Variants in ZNF718 observed in about 807,000 individuals in gnomAD.
The protein encoded by ZNF718 is zinc finger protein 718.
In ZNF718, 3 loss-of-function variants were observed where a neutral mutation model predicts 2.6. The ratio of observed to expected loss-of-function variants is 1.16; its 90% CI spans 0.53 to 3.01. The LOEUF (loss-of-function observed/expected upper bound fraction) is 3.01, where lower values mean the gene tolerates loss of function less well. Among genes scored for constraint, ZNF718 ranks in the 30% most tolerant of loss-of-function variants. The pLI is 0.03. For missense variants in ZNF718, 468 were observed against 230.0 expected, an observed-to-expected ratio of 2.03 and a Z score of -6.69; for synonymous variants, 135 against 77.9, an observed-to-expected ratio of 1.73 and a Z score of -3.86.
intron 3 of ZNF718, among the ~76,000 whole-genome samples, chr4:189,859 A>G (rs1373870843): frequency 1.3e-5 from 2 of 152,162 alleles, no homozygotes; most frequent in Admixed American, 1.3e-4. Flanking sequence ...TTTTGCATCT[A>G]TTTAAGTTGT....
intron 3 of ZNF718, among the ~76,000 whole-genome samples, chr4:159,381 C>G (rs1553814442): frequency 1.4e-5 from 2 of 147,128 alleles, no homozygotes; most frequent in East Asian, 4.0e-4. Flanking sequence ...TCCATGACAT[C>G]TGGAATTTTT....
intron 3 of ZNF718, among the ~76,000 whole-genome samples, chr4:139,901 G>T (rs1715735767): frequency 6.6e-6 from 1 of 152,200 alleles, no homozygotes; most frequent in Admixed American, 6.5e-5. Flanking sequence ...TGCAGAGAAG[G>T]CTGACTGCCA....
At position 163,456 on chromosome 4, in the gene ZNF718, G is replaced by A. The variant is rs1403684841; in HGVS notation, c.*1334G>A. The A allele has an allele frequency of 2.6e-5, 4 of 152,166 alleles. No individual in the cohort carries two copies. Among genetic ancestry groups the A allele is most frequent in the Non-Finnish European group, 5.9e-5 (4 of 68,038 alleles). 9.4% of individuals were successfully genotyped at this position (152,166 alleles called of 1,614,324 possible). ...GCCCGCCTCGGCCTCCCAAAGTGCT[G>A]GGATTACAGGCGTATTCATGAACTT... On this transcript the variant is annotated 3_prime_UTR_variant, in exon 4 of 4. Transcript: ENST00000510175.
intron 3 of ZNF718, among the ~76,000 whole-genome samples, chr4:141,281 A>G (rs1193181576): frequency 6.6e-6 from 1 of 152,232 alleles, no homozygotes; most frequent in African/African-American, 2.4e-5. Flanking sequence ...GTAGTAAGGA[A>G]TCATTAGGCA....
In ZNF718 at chr4:140,703, A is replaced by G. The variant is rs375487694; in HGVS notation, c.226+9198A>G. 2.6e-5 allele frequency among the ~76,000 whole-genome samples: 4 copies of G among 152,156 alleles called. No homozygotes were observed. In the East Asian group the frequency reaches 7.7e-4, roughly 29 times the overall value. ...TATCTCATGGCTAAGGTTCCAAGCT[A>G]TTGAGTCTTCATTTATGTGTGTGTA... On this transcript the variant is annotated intron_variant, in intron 3 of 3. Coordinates refer to ENST00000510175, the MANE Select transcript of ZNF718 (RefSeq NM_001039127.6).
chr4:198,385 A>C (rs1560134989), intron 3 of ZNF718, among the ~76,000 whole-genome samples: 4 of 151,640 alleles, frequency 2.6e-5, no homozygotes, highest in Admixed American at 2.0e-4. Flanking sequence ...GGAGAACAAG[A>C]CCCCCTCAGG....
chr4:149,542 C>A (rs1581443974), intron 3 of ZNF718, among the ~76,000 whole-genome samples: 1 of 152,036 alleles, frequency 6.6e-6, no homozygotes, highest in Admixed American at 6.6e-5. Context: ...ATTTTCAAAT[C>A]TATACCTTTA....
intron 3 of ZNF718, among the ~76,000 whole-genome samples, chr4:198,813 G>T (rs1553822383): frequency 6.6e-6 from 1 of 152,156 alleles, no homozygotes; most frequent in Non-Finnish European, 1.5e-5. Context: ...AAGGACATGT[G>T]CCCATCTGGG....
intron 3 of ZNF718, among the ~76,000 whole-genome samples, chr4:192,308 G>A (rs1316493313): frequency 6.6e-6 from 1 of 152,178 alleles, no homozygotes; most frequent in Non-Finnish European, 1.5e-5. Context: ...GAATGCCTGG[G>A]TTTATATCCC....
chr4:180,879 T>C (rs1372006266), intron 3 of ZNF718, among the ~76,000 whole-genome samples: 2 of 152,220 alleles, frequency 1.3e-5, no homozygotes, highest in East Asian at 1.9e-4. Context: ...TTGTATTAAC[T>C]CATAAGAGTT....
At chr4:167,327 A>G (rs1214674516), downstream of ZNF718, among the ~76,000 whole-genome samples, 1 of 152,088 alleles carries the variant, frequency 6.6e-6, no homozygotes, top group African/African-American at 2.4e-5. Context: ...TTGCTTTGCA[A>G]TGTGTGCTCT....
chr4:169,676 C>T (rs1156895146), intron 3 of ZNF718, among the ~76,000 whole-genome samples: 2 of 152,122 alleles, frequency 1.3e-5, no homozygotes, highest in Admixed American at 6.5e-5. Context: ...ATTTCAACCC[C>T]TGCCTTTTTT....
Position 162,891 on chromosome 4 carries a change from A to C in ZNF718, c.*769A>C, listed in dbSNP as rs1261884396. ...ATGTCAGAATATTTACAGTAGAAAG[A>C]AAAAGGCATTAACACTTGAAACATT... On this transcript the variant is annotated 3_prime_UTR_variant, in exon 4 of 4. Transcript: ENST00000510175. 3 of 152,210 alleles carry C rather than the reference A, an allele frequency of 2.0e-5. No individual in the cohort carries two copies. The highest frequency in any genetic ancestry group is 4.4e-5 in the Non-Finnish European group (3 of 68,034). The allele number at this position is 152,210 out of a possible 1,614,324, so 9.4% of individuals were successfully genotyped here. A position where few individuals can be genotyped will look rare whatever the true frequency, so the allele number is the denominator to read the frequency against.
chr4:190,724 A>G (rs1466610172), intron 3 of ZNF718, among the ~76,000 whole-genome samples: 1 of 152,214 alleles, frequency 6.6e-6, no homozygotes. Flanking sequence ...TATGAAAAGT[A>G]GAATGAGAGG....
chr4:140,266 A>T (rs1715756412), intron 3 of ZNF718, among the ~76,000 whole-genome samples: 1 of 152,124 alleles, frequency 6.6e-6, no homozygotes, highest in African/African-American at 2.4e-5. Context: ...TGACACTGAG[A>T]TCGGATCCAC....
rs1450555705 is a variant in ZNF718, at chr4:129,879, G to A, written c.4-909G>A. On this transcript the variant is annotated intron_variant, in intron 1 of 3. Transcript: ENST00000510175. The stretch of plus-strand genomic sequence containing the variant: ...TGGGACTACTTTTCAGGATGTTATA[G>A]TATTAACACACATAATGTGAACTTC... Among the ~76,000 whole-genome samples, 6 of 104,132 alleles carry A rather than the reference G, an allele frequency of 5.8e-5. 1 individual carries two copies. The highest frequency in any genetic ancestry group is 1.3e-4 in the African/African-American group (4 of 30,038). 68.3% of individuals were successfully genotyped at this position (104,132 alleles called of 152,430 possible). A position where few individuals can be genotyped will look rare whatever the true frequency, so the allele number is the denominator to read the frequency against.
At chr4:169,191 A>G (rs1405329321) in intron 3 of ZNF718, among the ~76,000 whole-genome samples, 1 of 152,152 alleles carries the variant, frequency 6.6e-6, no homozygotes, top group Non-Finnish European at 1.5e-5. Context: ...CCTGAGTTCT[A>G]GTTTGATTGC....
rs568906371 is a variant in ZNF718 at position 151,360 on chromosome 4, C to T, written c.227-9552C>T. ...AGCTCAGGCAGTCTGCCCAGTTTGGCCTCCCAAAGTGCTAGGATTACAGGC... is the reference window on the plus strand; with the variant it reads ...AGCTCAGGCAGTCTGCCCAGTTTGGTCTCCCAAAGTGCTAGGATTACAGGC... On this transcript the variant is annotated intron_variant, in intron 3 of 3. Transcript: ENST00000510175. Among the ~76,000 whole-genome samples the T allele has an allele frequency of 4.6e-5, 7 of 152,294 alleles. No individual in the cohort carries two copies. In the South Asian group the frequency reaches 1.5e-3, roughly 32 times the overall value.
chr4:201,786 T>G (rs1429341419), exon 5 of ZNF718: 3 of 189,372 alleles, frequency 1.6e-5, no homozygotes, highest in Non-Finnish European at 3.7e-5. Context: ...ATGCCACTGG[T>G]CTCCATTCCT....
Sources: gnomAD v4.1 joint callset for allele counts (sites outside exome capture counted in the v4.1 genomes callset) on GRCh38, gnomAD v4.1.1 for gene constraint, MANE v1.5 for transcripts, NCBI Gene and HGNC (gene_info 2026-07-23, HGNC 2026-07-21) for gene names.